CLEC16A: variants seen among roughly 807,000 people sequenced by gnomAD.
The protein encoded by CLEC16A is C-type lectin domain containing 16A.
A neutral mutation model predicts 109.5 loss-of-function variants in CLEC16A; 51 were observed. The observed-to-expected ratio is 0.47, with a 90% CI of 0.37 to 0.59. The LOEUF is 0.59. Among genes scored for constraint, CLEC16A ranks in the 20% least tolerant of loss-of-function variants. CLEC16A has a pLI of 0.00. For missense variants in CLEC16A, 1,339 were observed against 1,394.0 expected, an observed-to-expected ratio of 0.96 and a Z score of 0.63; for synonymous variants, 673 against 564.2, an observed-to-expected ratio of 1.19 and a Z score of -2.73.
At chr16:11,166,832 C>G (rs1416181178) in intron 23 of CLEC16A, among the ~76,000 whole-genome samples, 1 of 152,234 alleles carries the variant, frequency 6.6e-6, no homozygotes, top group East Asian at 1.9e-4. Context: ...GCGGGCTGCA[C>G]CTAAACCCAC....
In CLEC16A at chr16:10,954,590, A is replaced by C. The variant is rs1325252326; in HGVS notation, c.81-3192A>C. The stretch of plus-strand genomic sequence containing the variant: ...TTACATTTTACTGGTGAGACAACTG[A>C]GGTGCACAGAGGGAAAGTAACCTGC... On this transcript the variant is annotated intron_variant, in intron 1 of 23. Transcript: ENST00000409790. The surrounding 1 kb of genome is among the most constrained non-coding windows in gnomAD (Gnocchi z 4.2). Among the ~76,000 whole-genome samples, 1 of 152,192 alleles carries C rather than the reference A, an allele frequency of 6.6e-6. No homozygotes were observed. The highest frequency in any genetic ancestry group is 2.4e-5 in the African/African-American group (1 of 41,432).
At chr16:10,964,765 A>G (rs182036263) in intron 3 of CLEC16A, among the ~76,000 whole-genome samples, 26 of 152,334 alleles carry the variant, frequency 1.7e-4, no homozygotes, top group Non-Finnish European at 3.2e-4. Flanking sequence ...TTTAATGTGT[A>G]CAACTTGATT....
chr16:11,075,450 G>GTT (rs1315702153), intron 19 of CLEC16A, among the ~76,000 whole-genome samples: 5 of 149,908 alleles, frequency 3.3e-5, no homozygotes, highest in African/African-American at 1.2e-4. Flanking sequence ...GTGTGTGTGT[G>GTT]TTTTGAGACA....
intron 19 of CLEC16A, among the ~76,000 whole-genome samples, chr16:11,091,526 G>T (rs569194621): frequency 1.3e-5 from 2 of 152,268 alleles, no homozygotes; most frequent in Admixed American, 1.3e-4. Flanking sequence ...CTGTCCTGAG[G>T]GGCTGGCACT....
At chr16:11,025,157 G>A (rs1436645282) in intron 13 of CLEC16A, among the ~76,000 whole-genome samples, 2 of 152,210 alleles carry the variant, frequency 1.3e-5, no homozygotes, top group East Asian at 1.9e-4. Flanking sequence ...ATGGAGGAAG[G>A]TGACTTGAGT....
rs192061870 is a variant in CLEC16A, at chr16:11,014,337, G to A, written c.1304-5856G>A. On this transcript the variant is annotated intron_variant, in intron 11 of 23. Transcript: ENST00000409790. ...TGTATGTACCATAGTTGATTCCATC[G>A]GTCTGTTATGCCTGGGCATTTAGGT... Among the ~76,000 whole-genome samples the A allele has an allele frequency of 4.6e-5, 7 of 152,120 alleles. No individual in the cohort carries two copies. The East Asian group carries it at 1.2e-3, about 25-fold the overall frequency.
At chr16:11,067,156 G>GT (rs201380415) in intron 19 of CLEC16A, among the ~76,000 whole-genome samples, 16,916 of 125,556 alleles carry the variant, frequency 0.13, 1,075 homozygotes, top group African/African-American at 0.16. Context: ...TGTTGTGGGG[G>GT]TTTTTTTTTT....
chr16:11,114,128 C>CGTGTGTGTGTGTGTGTGTGTGTGTGT (rs3030600), intron 19 of CLEC16A, among the ~76,000 whole-genome samples: 1 of 127,248 alleles, frequency 7.9e-6, no homozygotes, highest in African/African-American at 3.1e-5. Flanking sequence ...TGAGGATGGC[C>CGTGTGTGTGTGTGTGTGTGTGTGTGT]GTGTGTGTGT....
intron 22 of CLEC16A, among the ~76,000 whole-genome samples, chr16:11,156,848 C>T (rs1036367902): frequency 6.6e-6 from 1 of 151,984 alleles, no homozygotes; most frequent in Non-Finnish European, 1.5e-5. Flanking sequence ...GCCATCCAAC[C>T]CTCTGTGGCC....
intron 18 of CLEC16A, among the ~76,000 whole-genome samples, chr16:11,057,979 G>C (rs956700317): frequency 2.0e-5 from 3 of 152,190 alleles, no homozygotes; most frequent in African/African-American, 7.2e-5. Context: ...GGGGAATCAA[G>C]AGAGTGCTTA....
chr16:11,018,041 C>G (rs1039421867), intron 11 of CLEC16A, among the ~76,000 whole-genome samples: 1 of 149,704 alleles, frequency 6.7e-6, no homozygotes, highest in Non-Finnish European at 1.5e-5. Context: ...GGTGTGGTGG[C>G]TCACGCCTAT....
chr16:11,142,852 C>T (rs982708817), intron 22 of CLEC16A, among the ~76,000 whole-genome samples: 20 of 152,274 alleles, frequency 1.3e-4, no homozygotes, highest in Non-Finnish European at 2.6e-4. Context: ...GCTCTATCAC[C>T]CAGGCTGGAG....
intron 19 of CLEC16A, among the ~76,000 whole-genome samples, chr16:11,104,688 G>A (rs1315260134): frequency 6.6e-6 from 1 of 152,202 alleles, no homozygotes; most frequent in African/African-American, 2.4e-5. Flanking sequence ...CTGCACCCCA[G>A]CTTACTTGTT....
intron 10 of CLEC16A, among the ~76,000 whole-genome samples, chr16:10,991,342 TG>T (rs2043993756): frequency 7.0e-6 from 1 of 142,090 alleles, no homozygotes; most frequent in Admixed American, 7.7e-5. Flanking sequence ...AAGAACATCG[TG>T]AACCTGGGAG....
At chr16:11,162,075 G>T (rs1222508510) in intron 22 of CLEC16A, among the ~76,000 whole-genome samples, 1 of 152,184 alleles carries the variant, frequency 6.6e-6, no homozygotes, top group Non-Finnish European at 1.5e-5. Context: ...CTGTCAGTGG[G>T]CCTAAAAATA....
At chr16:10,973,966 C>G (rs1384223903) in intron 7 of CLEC16A, among the ~76,000 whole-genome samples, 1 of 120,206 alleles carries the variant, frequency 8.3e-6, no homozygotes, top group Non-Finnish European at 1.6e-5. Flanking sequence ...GTGGTGCAAT[C>G]TTGGCTCACT....
intron 11 of CLEC16A, among the ~76,000 whole-genome samples, chr16:11,014,848 G>A (rs1364234555): frequency 1.3e-5 from 2 of 152,220 alleles, no homozygotes; most frequent in Non-Finnish European, 2.9e-5. Flanking sequence ...GCCCGGAGTG[G>A]CACAGAACCG....
intron 19 of CLEC16A, among the ~76,000 whole-genome samples, chr16:11,116,499 G>A (rs906925635): frequency 1.3e-5 from 2 of 152,160 alleles, no homozygotes; most frequent in African/African-American, 4.8e-5. Context: ...GTGCTGGAGA[G>A]AATAGAGGGA....
chr16:11,178,753 C>G lies in CLEC16A; in HGVS notation c.*63C>G. On this transcript the variant is annotated 3_prime_UTR_variant, in exon 24 of 24. Transcript: ENST00000409790. The surrounding 1 kb of genome is among the most constrained non-coding windows in gnomAD (Gnocchi z 6.5). ...CTGGTAGGGACCCCAGTGCCGCTGA[C>G]TGGCAAGACACACTGGGAGCACCCA... 2 of 1,290,772 alleles carry G rather than the reference C, an allele frequency of 1.5e-6. No homozygotes were observed. The highest frequency in any genetic ancestry group is 2.1e-6 in the Non-Finnish European group (2 of 967,452). 80.0% of individuals were successfully genotyped at this position (1,290,772 alleles called of 1,614,324 possible). A position where few individuals can be genotyped will look rare whatever the true frequency, so the allele number is the denominator to read the frequency against.
Sources: allele counts gnomAD v4.1 joint callset (sites outside exome capture counted in the v4.1 genomes callset), GRCh38; gene constraint gnomAD v4.1.1; non-coding constraint Gnocchi (gnomAD v3.1); transcripts MANE v1.5; gene names NCBI Gene and HGNC (gene_info 2026-07-23, HGNC 2026-07-21).